The following DGKA variants were observed in gnomAD, a reference collection of about 807,000 sequenced individuals.
DGKA encodes the protein 80 kDa diacylglycerol kinase.
A neutral mutation model predicts 105.0 loss-of-function variants in DGKA; 35 were observed. The ratio of observed to expected loss-of-function variants is 0.33; its 90% confidence interval spans 0.25 to 0.44. The LOEUF (loss-of-function observed/expected upper bound fraction) is 0.44, where lower values mean the gene tolerates loss of function less well. Ranked by LOEUF, DGKA falls within the 20% of genes least tolerant of loss-of-function variation. The probability of loss-of-function intolerance (pLI) is 1.00; values close to 1 mark genes in which losing one functional copy is unlikely to be tolerated. For missense variants in DGKA, 665 were observed against 915.0 expected, an observed-to-expected ratio of 0.73 and a Z score of 3.53; for synonymous variants, 296 against 332.0, an observed-to-expected ratio of 0.89 and a Z score of 1.18.
chr12:55,941,423 C>G, intron 14 of DGKA, 87 bp from the exon 15 acceptor site: 1 of 1,583,964 alleles, frequency 6.3e-7, no homozygotes. Flanking sequence ...AGGGGCATAC[C>G]TTGAGGAACA....
chr12:55,952,442 T>C lies in DGKA; in HGVS notation c.1743+11T>C. On this transcript the variant is annotated intron_variant, in intron 20 of 23. Coordinates refer to ENST00000331886, the MANE Select transcript of DGKA (RefSeq NM_001345.5). The surrounding 1 kb of genome is among the most constrained non-coding windows in gnomAD (Gnocchi z 5.1). ...TCTTTGACAGTTGAGGTGTGTGTAATAAGACTTAACCCTACATCCTTTTCA... is the reference window on the plus strand; with the variant it reads ...TCTTTGACAGTTGAGGTGTGTGTAACAAGACTTAACCCTACATCCTTTTCA... The C allele has an allele frequency of 1.2e-6, 2 of 1,613,012 alleles. No homozygotes were observed. Among genetic ancestry groups the C allele is most frequent in the East Asian group, 4.5e-5 (2 of 44,878 alleles).
Position 55,953,032 on chromosome 12 carries a change from G to A in DGKA, c.1943-8G>A, listed in dbSNP as rs759948366. 69 of 1,613,940 alleles carry A rather than the reference G, an allele frequency of 4.3e-5. 1 individual carries two copies. Among genetic ancestry groups the A allele is most frequent in the Admixed American group, 2.7e-4 (16 of 59,978 alleles). ...TATGTAAAACTTTACTCCCTACTTC[G>A]TCCCCAGACCTAAGTGACAAGAGAC... On this transcript the variant is annotated splice_region_variant and splice_polypyrimidine_tract_variant and intron_variant, in intron 21 of 23. Transcript: ENST00000331886.
At chr12:55,937,945 G>C (rs1231755334) in intron 4 of DGKA, 33 bp from the exon 5 acceptor site, 1 of 1,591,150 alleles carries the variant, frequency 6.3e-7, no homozygotes, top group Non-Finnish European at 8.6e-7. Context: ...AGTGGAGGGA[G>C]CCCTGACTTC....
upstream of DGKA, chr12:55,927,911 C>G: frequency 9.7e-7 from 1 of 1,026,984 alleles, no homozygotes. Context: ...TCGGGCTGGG[C>G]CCTAGGGTCA....
At chr12:55,931,813 GGAA>G (rs1004054986) in intron 1 of DGKA, 2 of 152,570 alleles carry the variant, frequency 1.3e-5, no homozygotes, top group South Asian at 2.1e-4. Context: ...CGCCGGCGCG[GGAA>G]GAAGATGAGG....
In DGKA at chr12:55,953,943, A is replaced by T; in HGVS notation, c.*175A>T. ...CTCACTGTTCCCCATGCGCACACAC[A>T]TACACACACCCCAAAACACATACAT... On this transcript the variant is annotated 3_prime_UTR_variant, in exon 24 of 24. Transcript: ENST00000331886. 1 of 650,982 alleles carries T rather than the reference A, an allele frequency of 1.5e-6. No homozygotes were observed. Among genetic ancestry groups the T allele is most frequent in the Non-Finnish European group, 2.6e-6 (1 of 377,824 alleles). 40.3% of individuals were successfully genotyped at this position (650,982 alleles called of 1,614,324 possible).
rs1303610827 is a variant in DGKA, at chr12:55,932,705, A to ACACG, written c.-82+1365_-82+1368dup. The ACACG allele has an allele frequency of 3.7e-6, 2 of 547,608 alleles. No individual in the cohort carries two copies. The highest frequency in any genetic ancestry group is 3.2e-6 in the Non-Finnish European group (1 of 312,004). The allele number at this position is 547,608 out of a possible 1,614,324, so 33.9% of individuals were successfully genotyped here. ...AATGACACCCTCTACACACACACAC[A>ACACG]CACGCACACACACACACACACACAC... On this transcript the variant is annotated intron_variant, in intron 1 of 23. Coordinates refer to ENST00000331886, the MANE Select transcript of DGKA (RefSeq NM_001345.5). The surrounding 1 kb of genome is among the most constrained non-coding windows in gnomAD (Gnocchi z 4.3).
Position 55,953,899 on chromosome 12 carries a change from A to G in DGKA, c.*131A>G. On this transcript the variant is annotated 3_prime_UTR_variant, in exon 24 of 24. Transcript: ENST00000331886. Reference sequence around the variant, plus strand: ...GGGAGTGTTCCTTCACCCTCACAGTATTTATTATCCTGCACCACCTCACTG... The same window carrying G: ...GGGAGTGTTCCTTCACCCTCACAGTGTTTATTATCCTGCACCACCTCACTG... The G allele has an allele frequency of 1.3e-6, 1 of 782,416 alleles. No homozygotes were observed. Among genetic ancestry groups the G allele is most frequent in the Non-Finnish European group, 2.1e-6 (1 of 474,156 alleles). 48.5% of individuals were successfully genotyped at this position (782,416 alleles called of 1,614,324 possible).
Position 55,951,758 on chromosome 12 carries a change from T to C in DGKA, c.1562T>C (p.Ile521Thr). 1.9e-6 allele frequency: 3 copies of C among 1,613,576 alleles called. No individual in the cohort carries two copies. The highest frequency in any genetic ancestry group is 1.7e-6 in the Non-Finnish European group (2 of 1,179,950). The change falls in exon 18 of 24, where the codon ATC (isoleucine) becomes ACC (threonine). Residue 521 changes from isoleucine to threonine, a missense_variant. Ile to Thr is a moderately conservative substitution (Grantham distance 89). Around this residue, in one of 3 missense-constraint regions of DGKA, gnomAD observed 504 missense variants for 681.2 expected, o/e 0.74. Coordinates refer to ENST00000331886, the MANE Select transcript of DGKA (RefSeq NM_001345.5). The part of the protein sequence containing the change: ...EKSDPVPFQI[I>T]NNYFSIGVDA... ...AGTGACCCAGTCCCCTTTCAAATCA[T>C]CAATAACTACTTCTCTATTGGCGTG...
At chr12:55,934,128 G>A (rs1182556635) in intron 1 of DGKA, among the ~76,000 whole-genome samples, 1 of 152,182 alleles carries the variant, frequency 6.6e-6, no homozygotes, top group Non-Finnish European at 1.5e-5. Flanking sequence ...AAGACCTGGG[G>A]AGCTAGGAAG....
chr12:55,946,811 G>T (rs1372255751), intron 17 of DGKA, among the ~76,000 whole-genome samples: 1 of 152,184 alleles, frequency 6.6e-6, no homozygotes, highest in East Asian at 1.9e-4. Flanking sequence ...ACTTTCAAGA[G>T]TTAAAATGAG....
Position 55,939,475 on chromosome 12 carries a change from T to C in DGKA, c.655T>C (p.Cys219Arg). Residue 219 changes from cysteine to arginine, a missense_variant, in exon 9 of 24, where the codon TGC becomes CGC. By Grantham distance (180) the Cys-to-Arg change is radical. Coordinates refer to ENST00000331886, the MANE Select transcript of DGKA (RefSeq NM_001345.5). Reference protein sequence around the residue: ...RPKRFPRPVYCNLCESSIGLG... With the variant: ...RPKRFPRPVYRNLCESSIGLG... ...CAAGAGGTTCCCCAGACCAGTCTAC[T>C]GCAATCTGTGCGAGTCAAGCATTGG... 6.2e-7 allele frequency: 1 copy of C among 1,614,224 alleles called. No homozygotes were observed. The highest frequency in any genetic ancestry group is 8.5e-7 in the Non-Finnish European group (1 of 1,180,040).
chr12:55,951,935 G>C, intron 18 of DGKA, 100 bp from the exon 19 acceptor site: 2 of 1,527,088 alleles, frequency 1.3e-6, no homozygotes, highest in Non-Finnish European at 1.8e-6. Flanking sequence ...GGAAGATCTT[G>C]GGACATGCTG....
At chr12:55,951,941 TGCTGTGGGGAGCA>T in intron 18 of DGKA, 81 bp from the exon 19 acceptor site, 1 of 1,538,232 alleles carries the variant, frequency 6.5e-7, no homozygotes, top group Non-Finnish European at 9.0e-7. Context: ...TCTTGGGACA[TGCTGTGGGGAGCA>T]GCATGGGGAC....
At chr12:55,950,893 TCTTTTTC>T (rs1203205333) in intron 17 of DGKA, among the ~76,000 whole-genome samples, 1 of 152,194 alleles carries the variant, frequency 6.6e-6, no homozygotes, top group Admixed American at 6.5e-5. Flanking sequence ...TATTTATCTA[TCTTTTTC>T]TTTTGGGCTT....
intron 14 of DGKA, 27 bp from the exon 15 acceptor site, chr12:55,941,483 A>T (rs781251538): frequency 6.2e-7 from 1 of 1,613,748 alleles, no homozygotes; most frequent in East Asian, 2.2e-5. Context: ...CGCGCCTGCC[A>T]TGAACTTTTC....
chr12:55,935,232 G>C (rs1331825931), intron 1 of DGKA: 2 of 152,204 alleles, frequency 1.3e-5, no homozygotes, highest in Non-Finnish European at 2.9e-5. Context: ...CATTGTATGA[G>C]TGACTTTTCA....
Position 55,932,355 on chromosome 12 carries a change from C to T in DGKA, c.-82+1011C>T, listed in dbSNP as rs999468229. The T allele has an allele frequency of 2.4e-5, 14 of 588,976 alleles. No individual in the cohort carries two copies. Among genetic ancestry groups the T allele is most frequent in the Admixed American group, 8.8e-5 (3 of 34,116 alleles). 36.5% of individuals were successfully genotyped at this position (588,976 alleles called of 1,614,324 possible). A position where few individuals can be genotyped will look rare whatever the true frequency, so the allele number is the denominator to read the frequency against. On this transcript the variant is annotated intron_variant, in intron 1 of 23. Coordinates refer to ENST00000331886, the MANE Select transcript of DGKA (RefSeq NM_001345.5). The surrounding 1 kb of genome is among the most constrained non-coding windows in gnomAD (Gnocchi z 4.3). ...CCCAGACCTTCCCCTCCATCCCTCC[C>T]GCTCATTCGGAGGGATGGTGAAGCC...
In DGKA at chr12:55,936,342, A is replaced by G. The variant is rs1884690676; in HGVS notation, c.-81-81A>G. On this transcript the variant is annotated intron_variant, in intron 1 of 23. Coordinates refer to ENST00000331886, the MANE Select transcript of DGKA (RefSeq NM_001345.5). ...AAGAACAAAAAATAATAGTGGGAGT[A>G]GAGACAGAATGGAACAGACAGAAGA... is the stretch of plus-strand genomic sequence containing the variant. The G allele has an allele frequency of 1.5e-5, 21 of 1,396,450 alleles. No individual in the cohort carries two copies. The South Asian group carries it at 3.0e-4, about 20-fold the overall frequency. 86.5% of individuals were successfully genotyped at this position (1,396,450 alleles called of 1,614,324 possible).
Sources: allele counts gnomAD v4.1 joint callset (sites outside exome capture counted in the v4.1 genomes callset), GRCh38; gene constraint gnomAD v4.1.1; regional missense constraint gnomAD v4.1.1; non-coding constraint Gnocchi (gnomAD v3.1); transcripts MANE v1.5; gene names NCBI Gene and HGNC (gene_info 2026-07-23, HGNC 2026-07-21).